FGF22: variants seen among roughly 807,000 people sequenced by gnomAD.
FGF22 encodes fibroblast growth factor 22.
FGF22 carries 11 observed loss-of-function variants against 10.3 expected under a neutral mutation model. That is an observed-to-expected ratio of 1.07 (90% CI 0.67 to 1.77). The LOEUF is 1.77. Among genes scored for constraint, FGF22 ranks in the 40% most tolerant of loss-of-function variants. The pLI is 0.00. For missense variants in FGF22, 317 were observed against 273.2 expected, an observed-to-expected ratio of 1.16 and a Z score of -1.13; for synonymous variants, 136 against 122.1, an observed-to-expected ratio of 1.11 and a Z score of -0.75.
rs998807955 is a variant in FGF22 at position 643,318 on chromosome 19, C to CG, written c.302dup (p.Arg102ProfsTer73). On this transcript the variant is annotated frameshift_variant, in exon 2 of 3. Transcript: ENST00000215530. LOFTEE classifies it low-confidence loss of function (END_TRUNC). ...AGGCTTCTACGTGGCCATGAACCGC[C>CG]GGGGCCGCCTCTACGGGTCGGTGAG... 6.8e-7 allele frequency: 1 copy of CG among 1,469,766 alleles called. No homozygotes were observed. The highest frequency in any genetic ancestry group is 9.2e-7 in the Non-Finnish European group (1 of 1,091,294). 91.0% of individuals were successfully genotyped at this position (1,469,766 alleles called of 1,614,324 possible). A position where few individuals can be genotyped will look rare whatever the true frequency, so the allele number is the denominator to read the frequency against.
At position 640,097 on chromosome 19, in the gene FGF22, G is replaced by A. The variant is rs1251516799; in HGVS notation, c.172G>A (p.Gly58Ser). 1.4e-6 allele frequency: 2 copies of A among 1,399,464 alleles called. No homozygotes were observed. Among genetic ancestry groups the A allele is most frequent in the Admixed American group, 2.8e-5 (1 of 35,208 alleles). 86.7% of individuals were successfully genotyped at this position (1,399,464 alleles called of 1,614,324 possible). Residue 58 changes from glycine (G) to serine (S), a missense_variant, in exon 1 of 3, where the codon GGC (glycine) becomes AGC (serine). Coordinates refer to ENST00000215530, the Ensembl canonical transcript of FGF22. Reference sequence around the variant, plus strand: ...TCACTTCTTCCTGCGCGTGGATCCCGGCGGCCGCGTGCAGGGCACCCGCTG... The same window carrying A: ...TCACTTCTTCCTGCGCGTGGATCCCAGCGGCCGCGTGCAGGGCACCCGCTG...
chr19:643,650 G>T, exon 3 of FGF22: 1 of 1,409,498 alleles, frequency 7.1e-7, no homozygotes, highest in East Asian at 2.5e-5. Context: ...GGCTGGTGGC[G>T]AGGGGCCCGG....
At chr19:641,982 T>C (rs1391835244) in intron 1 of FGF22, among the ~76,000 whole-genome samples, 6 of 152,266 alleles carry the variant, frequency 3.9e-5, no homozygotes, top group East Asian at 3.9e-4. Flanking sequence ...CCACAGACGA[T>C]GGCGTCCAAA....
intron 1 of FGF22, among the ~76,000 whole-genome samples, chr19:642,590 G>A (rs1166490507): frequency 7.7e-6 from 1 of 130,234 alleles, no homozygotes; most frequent in East Asian, 2.3e-4. Flanking sequence ...TGTGAGGGCC[G>A]GGCTGGGGGC....
chr19:640,479 T>C (rs1276051135), intron 1 of FGF22: 8 of 214,310 alleles, frequency 3.7e-5, no homozygotes, highest in Non-Finnish European at 6.4e-5. Flanking sequence ...GGGGCTGACC[T>C]CCGGACTCCT....
intron 1 of FGF22, among the ~76,000 whole-genome samples, chr19:642,986 G>T (rs937798235): frequency 6.7e-6 from 1 of 148,338 alleles, no homozygotes; most frequent in African/African-American, 2.5e-5. Context: ...CCCCCAGCTC[G>T]TGGGGGCCGT....
At chr19:641,965 G>A (rs1244024551) in intron 1 of FGF22, among the ~76,000 whole-genome samples, 1 of 152,150 alleles carries the variant, frequency 6.6e-6, no homozygotes, top group African/African-American at 2.4e-5. Context: ...GGCTCACCCA[G>A]GGCTACCCAC....
rs559997120 is a variant in FGF22 at position 640,791 on chromosome 19, G to A, written c.214+652G>A. On this transcript the variant is annotated intron_variant, in intron 1 of 2. Transcript: ENST00000215530. ...TGGGTACCTGGAGGCCAGGGGAGTC[G>A]GTGTCCCCGCCGGGCGGGGGGCACT... 451 of 218,156 alleles carry A rather than the reference G, an allele frequency of 2.1e-3. 1 individual carries two copies. Among genetic ancestry groups the A allele is most frequent in the Non-Finnish European group, 3.4e-3 (359 of 104,712 alleles). 13.5% of individuals were successfully genotyped at this position (218,156 alleles called of 1,614,324 possible).
intron 1 of FGF22, among the ~76,000 whole-genome samples, chr19:643,034 C>T (rs1165052412): frequency 3.4e-4 from 8 of 23,294 alleles, no homozygotes; most frequent in South Asian, 2.4e-3. Flanking sequence ...CTTGCTCCTC[C>T]CTCACATGCT....
chr19:643,551 C>G, exon 3 of FGF22: 1 of 1,589,002 alleles, frequency 6.3e-7, no homozygotes, highest in South Asian at 1.1e-5. Flanking sequence ...GCCAGGCGGC[C>G]GGACGCGGCG....
At chr19:642,675 G>A (rs1399265450) in intron 1 of FGF22, among the ~76,000 whole-genome samples, 11 of 143,220 alleles carry the variant, frequency 7.7e-5, no homozygotes, top group African/African-American at 2.9e-4. Context: ...GGGCCGGGCT[G>A]GGGGCTCCAT....
chr19:643,314 C>T (rs752087141), exon 2 of FGF22: 15 of 1,610,152 alleles, frequency 9.3e-6, no homozygotes, highest in Admixed American at 1.7e-5. Context: ...TGGCCATGAA[C>T]CGCCGGGGCC....
exon 3 of FGF22, chr19:643,593 C>T: frequency 6.5e-7 from 1 of 1,542,392 alleles, no homozygotes; most frequent in Non-Finnish European, 8.7e-7. Flanking sequence ...CCTGCCCGTC[C>T]TGGTCTCCTG....
exon 1 of FGF22, chr19:640,114 C>A (rs759539210): frequency 2.9e-6 from 4 of 1,376,230 alleles, no homozygotes; most frequent in South Asian, 3.3e-5. Context: ...GCGTGCAGGG[C>A]ACCCGCTGGC....
At chr19:642,839 CTG>C (rs1985948402) in intron 1 of FGF22, among the ~76,000 whole-genome samples, 13 of 148,778 alleles carry the variant, frequency 8.7e-5, no homozygotes, top group Admixed American at 8.6e-4. Context: ...CGTGGTGTTG[CTG>C]CCCCCCTGAC....
chr19:640,230 G>T (rs1250174769), intron 1 of FGF22, 91 bp downstream of exon 1: 8 of 864,914 alleles, frequency 9.2e-6, no homozygotes, highest in South Asian at 8.8e-5. Context: ...GCCCGCGGGG[G>T]AGTCCCGGAG....
rs371851054 is a variant in FGF22 at position 643,444 on chromosome 19, G to C, written c.353G>C (p.Arg118Pro). The C allele has an allele frequency of 1.9e-6, 3 of 1,611,452 alleles. No individual in the cohort carries two copies. The Admixed American group carries it at 5.0e-5, about 27-fold the overall frequency. ...ACCGTGGACTGCAGGTTCCGGGAGC[G>C]CATCGAAGAGAACGGCCACAACACC... The change falls in exon 3 of 3, where the codon CGC becomes CCC. Residue 118 changes from arginine to proline, a missense_variant. Transcript: ENST00000215530.
chr19:643,633 G>C lies in FGF22; in HGVS notation c.*29G>C, dbSNP rs536050288. ...CCTGAGAGGCCGGCGGCTCCCCAAG[G>C]TGCCTGGGCTGGTGGCGAGGGGCCC... On this transcript the variant is annotated 3_prime_UTR_variant, in exon 3 of 3. Coordinates refer to ENST00000215530, the Ensembl canonical transcript of FGF22. 17 of 1,475,286 alleles carry C rather than the reference G, an allele frequency of 1.2e-5. No individual in the cohort carries two copies. In the African/African-American group the frequency reaches 2.4e-4, roughly 21 times the overall value. The allele number at this position is 1,475,286 out of a possible 1,614,324, so 91.4% of individuals were successfully genotyped here.
At chr19:643,518 C>T (rs1402424890) in exon 3 of FGF22, 40 of 1,608,278 alleles carry the variant, frequency 2.5e-5, no homozygotes, top group Non-Finnish European at 3.3e-5. Flanking sequence ...GTTCCTGGCG[C>T]TGGACAGGAG....
Sources: allele counts gnomAD v4.1 joint callset (sites outside exome capture counted in the v4.1 genomes callset), GRCh38; gene constraint gnomAD v4.1.1; transcripts MANE v1.5; gene names NCBI Gene and HGNC (gene_info 2026-07-23, HGNC 2026-07-21).